Variants in MTHFD2L observed in about 807,000 individuals in gnomAD.
MTHFD2L encodes the protein bifunctional methylenetetrahydrofolate dehydrogenase/cyclohydrolase 2, mitochondrial.
MTHFD2L carries 29 observed loss-of-function variants against 34.9 expected under a neutral mutation model. The observed-to-expected ratio is 0.83, with a 90% CI of 0.62 to 1.13. MTHFD2L has a LOEUF of 1.13. Ranked by LOEUF, MTHFD2L falls within the 50% of genes most tolerant of loss-of-function variation. The pLI, the probability that MTHFD2L is intolerant of heterozygous loss-of-function variation, is 0.00. For missense variants in MTHFD2L, 481 were observed against 446.5 expected (o/e 1.08, Z -0.70); for synonymous variants, 167 against 155.7 (o/e 1.07, Z -0.54).
At chr4:74,183,644 T>TC (rs1475674020) in intron 3 of MTHFD2L, 1 of 151,840 alleles carries the variant, frequency 6.6e-6, no homozygotes, top group East Asian at 1.9e-4. Context: ...AGAGCAAGAC[T>TC]CCATCTCAAC....
intron 5 of MTHFD2L, among the ~76,000 whole-genome samples, chr4:74,208,787 C>A (rs1735795571): frequency 6.6e-6 from 1 of 152,156 alleles, no homozygotes; most frequent in Non-Finnish European, 1.5e-5. Context: ...CAGAGCGCCA[C>A]CCAGTCAGAA....
chr4:74,290,093 T>A (rs1748688836), intron 7 of MTHFD2L, among the ~76,000 whole-genome samples: 1 of 152,214 alleles, frequency 6.6e-6, no homozygotes, highest in South Asian at 2.1e-4. Flanking sequence ...ATCTGGTGCC[T>A]TATTTTGAAT....
chr4:74,255,942 G>A (rs1743971339), intron 6 of MTHFD2L, among the ~76,000 whole-genome samples: 1 of 152,132 alleles, frequency 6.6e-6, no homozygotes, highest in African/African-American at 2.4e-5. Flanking sequence ...CTACTATAAA[G>A]AGTGCTGCAG....
chr4:74,154,147 G>T (rs1188295525), upstream of MTHFD2L, among the ~76,000 whole-genome samples: 1 of 152,148 alleles, frequency 6.6e-6, no homozygotes, highest in Non-Finnish European at 1.5e-5. Context: ...CTCACGATCA[G>T]ACTGGGGTTA....
rs113468339 is a variant in MTHFD2L, at chr4:74,208,470, C to T, written c.712+7100C>T. Among the ~76,000 whole-genome samples the T allele has an allele frequency of 7.6e-3, 1,163 of 152,184 alleles. 21 individuals carry two copies. The highest frequency in any genetic ancestry group is 0.027 in the African/African-American group (1,114 of 41,518). On this transcript the variant is annotated intron_variant, in intron 5 of 7. Transcript: ENST00000325278. Reference sequence around the variant, plus strand: ...CTTATTTTAAATGGAGAGTGAAGTCCGAATCTTTTTCTTTCAATTCCTCTC... The same window carrying T: ...CTTATTTTAAATGGAGAGTGAAGTCTGAATCTTTTTCTTTCAATTCCTCTC...
chr4:74,249,266 G>A (rs1742960302), intron 6 of MTHFD2L, among the ~76,000 whole-genome samples: 2 of 150,802 alleles, frequency 1.3e-5, no homozygotes, highest in Non-Finnish European at 3.0e-5. Flanking sequence ...GATCTTTGTT[G>A]GTTTAAAGTC....
chr4:74,163,378 G>A lies in MTHFD2L; in HGVS notation c.143+5097G>A, dbSNP rs185616572. ...AAGAGTCCACAGGTTTCAGCAGATA[G>A]GCCAAGAGCTTTTGTGGCACAAAGC... On this transcript the variant is annotated intron_variant, in intron 1 of 7. Transcript: ENST00000325278. Among the ~76,000 whole-genome samples the A allele has an allele frequency of 2.6e-3, 391 of 152,294 alleles. 8 individuals carry two copies. The highest frequency in any genetic ancestry group is 0.021 in the Admixed American group (323 of 15,288).
chr4:74,188,202 A>G (rs1384273958), intron 3 of MTHFD2L, among the ~76,000 whole-genome samples: 2 of 152,204 alleles, frequency 1.3e-5, no homozygotes, highest in Non-Finnish European at 2.9e-5. Context: ...AGTCTGCTTC[A>G]TCTATCATAA....
upstream of MTHFD2L, chr4:74,125,318 G>GAA (rs1239638298): frequency 6.6e-6 from 1 of 152,046 alleles, no homozygotes; most frequent in East Asian, 1.9e-4. Flanking sequence ...AGAAAATTGT[G>GAA]AAAAAATCCT....
chr4:74,156,817 T>A (rs978500952), upstream of MTHFD2L: 1 of 152,074 alleles, frequency 6.6e-6, no homozygotes, highest in African/African-American at 2.4e-5. Context: ...TGATATTGAA[T>A]ATTTTTCCAT....
At chr4:74,281,152 G>A (rs1397166636) in intron 6 of MTHFD2L, among the ~76,000 whole-genome samples, 1 of 152,070 alleles carries the variant, frequency 6.6e-6, no homozygotes, top group African/African-American at 2.4e-5. Flanking sequence ...AAAGGATGCT[G>A]CTCAAGCAGG....
chr4:74,217,304 T>C (rs1737366044), intron 5 of MTHFD2L, among the ~76,000 whole-genome samples: 2 of 151,916 alleles, frequency 1.3e-5, no homozygotes, highest in African/African-American at 4.9e-5. Context: ...CTATAGAGTT[T>C]CTCTGTAGAA....
chr4:74,272,894 T>G (rs556452217), intron 6 of MTHFD2L, among the ~76,000 whole-genome samples: 12 of 152,322 alleles, frequency 7.9e-5, no homozygotes, highest in African/African-American at 2.9e-4. Flanking sequence ...CCTAATGAAC[T>G]TATTCTTTCT....
chr4:74,230,788 T>A (rs1438200291), intron 6 of MTHFD2L, among the ~76,000 whole-genome samples: 1 of 152,090 alleles, frequency 6.6e-6, no homozygotes, highest in Admixed American at 6.5e-5. Context: ...TCTAAGATCA[T>A]GTTGGAGATC....
At chr4:74,271,526 CTA>C (rs1168032682) in intron 6 of MTHFD2L, among the ~76,000 whole-genome samples, 2 of 152,178 alleles carry the variant, frequency 1.3e-5, no homozygotes, top group African/African-American at 2.4e-5. Context: ...TTCCATTGGT[CTA>C]TATCTCTATT....
chr4:74,287,172 A>G (rs1225586386), intron 7 of MTHFD2L, among the ~76,000 whole-genome samples: 2 of 152,294 alleles, frequency 1.3e-5, no homozygotes, highest in East Asian at 3.9e-4. Context: ...CGCAACTGAC[A>G]TTATCATTGT....
At chr4:74,209,068 T>A (rs1296330538) in intron 5 of MTHFD2L, among the ~76,000 whole-genome samples, 1 of 152,020 alleles carries the variant, frequency 6.6e-6, no homozygotes, top group Non-Finnish European at 1.5e-5. Context: ...CAAACTGGAT[T>A]ATTAGAAAAC....
chr4:74,286,367 T>A (rs1398142430), intron 7 of MTHFD2L, among the ~76,000 whole-genome samples: 1 of 152,324 alleles, frequency 6.6e-6, no homozygotes, highest in East Asian at 1.9e-4. Context: ...TACACTTAGG[T>A]ATACCTACTT....
chr4:74,186,642 T>C (rs984746561), intron 3 of MTHFD2L, among the ~76,000 whole-genome samples: 2 of 151,928 alleles, frequency 1.3e-5, no homozygotes, highest in African/African-American at 4.8e-5. Context: ...AAAACCTATA[T>C]ATATTAAAAA....
Sources: allele counts gnomAD v4.1 joint callset (sites outside exome capture counted in the v4.1 genomes callset), GRCh38; gene constraint gnomAD v4.1.1; transcripts MANE v1.5; gene names NCBI Gene and HGNC (gene_info 2026-07-23, HGNC 2026-07-21).